The following NEXN variants were observed in gnomAD, a reference collection of about 807,000 sequenced individuals.
NEXN encodes nexilin F-actin binding protein, also known as nexilin.
A neutral mutation model predicts 92.6 loss-of-function variants in NEXN; 65 were observed. The observed-to-expected ratio is 0.70, with a 90% CI of 0.57 to 0.86. The LOEUF (loss-of-function observed/expected upper bound fraction) is 0.86. NEXN is among the 40% of genes least tolerant of loss of function. The pLI is 0.00. For synonymous variants in NEXN, 254 were observed against 242.5 expected (o/e 1.05, Z -0.44); for missense variants, 778 against 771.1 (o/e 1.01, Z -0.11).
At position 77,926,503 on chromosome 1, in the gene NEXN, A is replaced by G. The variant is rs1476054611; in HGVS notation, c.579A>G (p.Glu193=). ...GKMKKNFEDL[E]KEREEKERIK... ...TGAAAAAGAATTTTGAGGATCTAGAAAAAGAACGTGAAGAGAAAGAAAGGA... is the reference window on the plus strand; with the variant it reads ...TGAAAAAGAATTTTGAGGATCTAGAGAAAGAACGTGAAGAGAAAGAAAGGA... Residue 193 remains glutamate (E), a synonymous_variant, in exon 7 of 13, where the codon GAA becomes GAG. Coordinates refer to ENST00000334785, the MANE Select transcript of NEXN (RefSeq NM_144573.4). The G allele has an allele frequency of 3.7e-6, 6 of 1,612,172 alleles. No individual in the cohort carries two copies. The highest frequency in any genetic ancestry group is 2.2e-5 in the East Asian group (1 of 44,772).
At chr1:77,933,921 A>C (rs561920454) in intron 10 of NEXN, among the ~76,000 whole-genome samples, 1 of 152,028 alleles carries the variant, frequency 6.6e-6, no homozygotes, top group South Asian at 2.1e-4. Flanking sequence ...CTGCAGCCTC[A>C]ACCTCCCATG....
chr1:77,892,987 C>T (rs1557956301), intron 1 of NEXN, among the ~76,000 whole-genome samples: 2 of 151,962 alleles, frequency 1.3e-5, no homozygotes. Flanking sequence ...CTACCTCAGC[C>T]TCCTGAGTAG....
chr1:77,899,270 AATG>A (rs751752180), intron 1 of NEXN, among the ~76,000 whole-genome samples: 26 of 152,124 alleles, frequency 1.7e-4, no homozygotes, highest in South Asian at 8.3e-4. Context: ...AATGTCCAAC[AATG>A]ATAGACTGGA....
chr1:77,890,702 A>G (rs1043807766), intron 1 of NEXN, among the ~76,000 whole-genome samples: 4 of 152,158 alleles, frequency 2.6e-5, no homozygotes, highest in African/African-American at 9.6e-5. Context: ...GACATACTTC[A>G]TTTATTAAAA....
chr1:77,926,597 C>G lies in NEXN; in HGVS notation c.673C>G (p.Leu225Val). Residue 225 changes from leucine to valine, a missense_variant, in exon 7 of 13, where the codon CTT becomes GTT. Leu to Val is a conservative substitution (Grantham distance 32). This residue lies in a region of NEXN where 236 missense variants were observed against 265.6 expected (regional missense o/e 0.89). Transcript: ENST00000334785. ...QRPSLKEAKC[L>V]SLVMDDEIES... ...ACCATCTCTCAAGGAAGCAAAGTGT[C>G]TTTCATTAGTTATGGTAAATTTTTG... is the stretch of plus-strand genomic sequence containing the variant. 6.2e-7 allele frequency: 1 copy of G among 1,613,902 alleles called. No individual in the cohort carries two copies.
At chr1:77,910,748 C>CAAAAA (rs751080251) in intron 1 of NEXN, among the ~76,000 whole-genome samples, 1 of 42,878 alleles carries the variant, frequency 2.3e-5, no homozygotes, top group African/African-American at 7.5e-5. Context: ...GAGACTGTCT[C>CAAAAA]AAAAAAAAAA....
chr1:77,911,004 A>T (rs1648534531), intron 1 of NEXN, among the ~76,000 whole-genome samples: 1 of 151,730 alleles, frequency 6.6e-6, no homozygotes, highest in South Asian at 2.1e-4. Flanking sequence ...GGCCTGGCTA[A>T]TTTTTAAATT....
chr1:77,918,710 C>T (rs1649187824), intron 5 of NEXN, among the ~76,000 whole-genome samples: 1 of 149,784 alleles, frequency 6.7e-6, no homozygotes. Flanking sequence ...AAAAGATCTG[C>T]AGGAAAAATA....
Position 77,942,490 on chromosome 1 carries a change from T to C in NEXN, c.1689T>C (p.Gly563=), listed in dbSNP as rs964638059. 3 of 1,613,512 alleles carry C rather than the reference T, an allele frequency of 1.9e-6. No homozygotes were observed. In the African/African-American group the frequency reaches 4.0e-5, roughly 22 times the overall value. Residue 563 remains glycine (G), a synonymous_variant, in exon 13 of 13, where the codon GGT becomes GGC. Transcript: ENST00000334785. ...KKREEEEEEE[G]SIMNGSTAED... is the part of the protein sequence containing the mutation. Reference sequence around the variant, plus strand: ...GAGAAGAGGAGGAGGAGGAAGAAGGTAGCATCATGAATGGCTCCACTGCTG... The same window carrying C: ...GAGAAGAGGAGGAGGAGGAAGAAGGCAGCATCATGAATGGCTCCACTGCTG...
chr1:77,909,033 A>T (rs1189935951), intron 1 of NEXN, among the ~76,000 whole-genome samples: 1 of 152,238 alleles, frequency 6.6e-6, no homozygotes, highest in East Asian at 1.9e-4. Context: ...TTGACAATCT[A>T]TTAAAATCTA....
intron 9 of NEXN, 60 bp from the exon 10 acceptor site, chr1:77,933,222 A>G: frequency 9.3e-7 from 1 of 1,075,916 alleles, no homozygotes. Context: ...TCTTCAAGAA[A>G]TAGTCCCTTT....
chr1:77,894,721 T>G (rs1287946408), intron 1 of NEXN, among the ~76,000 whole-genome samples: 2 of 151,912 alleles, frequency 1.3e-5, no homozygotes, highest in Non-Finnish European at 2.9e-5. Context: ...ATACTTTTTT[T>G]TCCTTTTTTT....
In NEXN at chr1:77,917,645, A is replaced by C; in HGVS notation, c.107A>C (p.Glu36Ala). ...AAGGGTGATGTAAAGGATAAGTTTG[A>C]AGCCATGCAGAGAGCCAGGGAAGAA... ...LGKGDVKDKF[E>A]AMQRAREERN... Residue 36 changes from glutamate (E) to alanine (A), a missense_variant, in exon 3 of 13, where the codon GAA becomes GCA. Physicochemically the swap from Glu to Ala is moderately radical, Grantham distance 107. Around this residue, in one of 3 missense-constraint regions of NEXN, gnomAD observed 236 missense variants for 265.6 expected, o/e 0.89. Coordinates refer to ENST00000334785, the MANE Select transcript of NEXN (RefSeq NM_144573.4). 1 of 1,613,570 alleles carries C rather than the reference A, an allele frequency of 6.2e-7. No individual in the cohort carries two copies. The highest frequency in any genetic ancestry group is 8.5e-7 in the Non-Finnish European group (1 of 1,179,694).
intron 5 of NEXN, among the ~76,000 whole-genome samples, chr1:77,922,847 G>A (rs974623464): frequency 9.9e-5 from 15 of 151,514 alleles, no homozygotes; most frequent in African/African-American, 3.4e-4. Flanking sequence ...CGCCCGCCTC[G>A]GCCTCCCAAA....
intron 1 of NEXN, among the ~76,000 whole-genome samples, chr1:77,904,643 A>C (rs745404651): frequency 3.3e-5 from 5 of 152,222 alleles, no homozygotes; most frequent in Non-Finnish European, 7.3e-5. Context: ...CGTAGAGTCT[A>C]CCATGCGTAC....
intron 5 of NEXN, among the ~76,000 whole-genome samples, chr1:77,921,467 C>CA (rs1649413348): frequency 1.3e-5 from 2 of 152,216 alleles, no homozygotes; most frequent in Non-Finnish European, 2.9e-5. Context: ...TTTTTTAAGA[C>CA]AGAGTCTTGC....
chr1:77,925,353 A>G, intron 6 of NEXN, 124 bp downstream of exon 6: 1 of 756,944 alleles, frequency 1.3e-6, no homozygotes, highest in Non-Finnish European at 2.2e-6. Context: ...GAAATAACAA[A>G]AAAGTATGTT....
intron 1 of NEXN, among the ~76,000 whole-genome samples, chr1:77,902,485 G>A (rs541584802): frequency 1.4e-4 from 21 of 152,246 alleles, no homozygotes; most frequent in Non-Finnish European, 2.5e-4. Flanking sequence ...ATAGGAGGAT[G>A]TACTACATAG....
At chr1:77,915,604 G>C (rs1254109007) in intron 1 of NEXN, among the ~76,000 whole-genome samples, 2 of 152,158 alleles carry the variant, frequency 1.3e-5, no homozygotes, top group Non-Finnish European at 2.9e-5. Context: ...CTCCAGCCTG[G>C]GCGACAGAGT....
Sources: gnomAD v4.1 joint callset for allele counts (sites outside exome capture counted in the v4.1 genomes callset) on GRCh38, gnomAD v4.1.1 for gene constraint, gnomAD v4.1.1 regional missense constraint, MANE v1.5 for transcripts, NCBI Gene and HGNC (gene_info 2026-07-23, HGNC 2026-07-21) for gene names.